Variants in SCN3A observed in about 807,000 individuals in gnomAD.
The protein encoded by SCN3A is sodium channel protein type 3 subunit alpha.
In SCN3A, 60 loss-of-function variants were observed where a neutral mutation model predicts 187.6. That is an observed-to-expected ratio of 0.32 (90% confidence interval 0.26 to 0.40). The LOEUF (loss-of-function observed/expected upper bound fraction) is 0.40. Ranked by LOEUF, SCN3A falls within the 10% of genes least tolerant of loss-of-function variation. The probability of loss-of-function intolerance (pLI) is 1.00; values close to 1 mark genes in which losing one functional copy is unlikely to be tolerated. For missense variants in SCN3A, 1,601 were observed against 2,428.2 expected, an observed-to-expected ratio of 0.66 and a Z score of 7.16; for synonymous variants, 788 against 829.2, an observed-to-expected ratio of 0.95 and a Z score of 0.85.
At chr2:165,096,949 C>T (rs1033979093) in intron 23 of SCN3A, among the ~76,000 whole-genome samples, 12 of 151,998 alleles carry the variant, frequency 7.9e-5, no homozygotes, top group Non-Finnish European at 1.6e-4. Context: ...CCTAAAGTTG[C>T]TCCTTTGGCA....
At chr2:165,201,736 G>A (rs1247988504) in intron 1 of SCN3A, among the ~76,000 whole-genome samples, 1 of 151,940 alleles carries the variant, frequency 6.6e-6, no homozygotes, top group Non-Finnish European at 1.5e-5. Flanking sequence ...AGAAGGAACT[G>A]GCCAAGAAAC....
At chr2:165,157,772 G>A (rs7572969) in intron 9 of SCN3A, among the ~76,000 whole-genome samples, 18,098 of 152,130 alleles carry the variant, frequency 0.12, 1,287 homozygotes, top group African/African-American at 0.17. Flanking sequence ...CAATTAACAT[G>A]TAGTCATGGA....
intron 23 of SCN3A, 135 bp from the exon 24 acceptor site, chr2:165,096,655 ATAAAAT>A: frequency 1.7e-6 from 1 of 590,182 alleles, no homozygotes; most frequent in Non-Finnish European, 3.0e-6. Flanking sequence ...AGAGATTGAA[ATAAAAT>A]TGAAATAGAA....
intron 13 of SCN3A, 99 bp from the exon 14 acceptor site, chr2:165,139,707 C>T: frequency 6.9e-7 from 1 of 1,458,472 alleles, no homozygotes; most frequent in Non-Finnish European, 9.6e-7. Flanking sequence ...GCAATTTTTC[C>T]AGGTAAGAAT....
Position 165,146,816 on chromosome 2 carries a change from C to T in SCN3A, c.1594G>A (p.Val532Ile), listed in dbSNP as rs747700209. 1.4e-5 allele frequency: 23 copies of T among 1,613,942 alleles called. 1 individual carries two copies. Among genetic ancestry groups the T allele is most frequent in the East Asian group, 6.7e-5 (3 of 44,882 alleles). Reference protein sequence around the residue: ...SFPKSESEDSVKRSSFLFSMD... With the variant: ...SFPKSESEDSIKRSSFLFSMD... ...GAGAAAAGGAAGCTGCTTCTTTTGA[C>T]GCTGTCTTCAGATTCGGATTTGGGA... is the stretch of plus-strand genomic sequence containing the variant. Residue 532 changes from valine to isoleucine, a missense_variant, in exon 12 of 28, where the codon GTC (valine) becomes ATC (isoleucine). By Grantham distance (29) the Val-to-Ile change is conservative. Transcript: ENST00000283254.
At position 165,139,553 on chromosome 2, in the gene SCN3A, G is replaced by T; in HGVS notation, c.2075C>A (p.Ser692Ter). The part of the protein sequence containing the change: ...RKRRLSSYQI[S>*]MEMLEDSSGR... ...AGAGGAATCCTCCAGCATCTCCATT[G>T]AAATCTGGTAAGAGCTTAACCTTCT... The change falls in exon 14 of 28, where the codon TCA (serine) becomes TAA (stop). Residue 692 changes from serine (S) to a stop codon, truncating the protein, a stop_gained. Coordinates refer to ENST00000283254, the MANE Select transcript of SCN3A (RefSeq NM_006922.4). LOFTEE classifies it high-confidence loss of function. The T allele has an allele frequency of 6.2e-7, 1 of 1,613,918 alleles. No homozygotes were observed. Among genetic ancestry groups the T allele is most frequent in the Non-Finnish European group, 8.5e-7 (1 of 1,179,894 alleles).
intron 21 of SCN3A, among the ~76,000 whole-genome samples, chr2:165,106,010 C>T (rs887165188): frequency 2.6e-5 from 4 of 152,122 alleles, no homozygotes; most frequent in African/African-American, 4.8e-5. Flanking sequence ...AGAAAATTCA[C>T]AATGCTCACA....
At position 165,127,818 on chromosome 2, in the gene SCN3A, C is replaced by G. The variant is rs1359290329; in HGVS notation, c.3206G>C (p.Gly1069Ala). 6.2e-7 allele frequency: 1 copy of G among 1,614,138 alleles called. No individual in the cohort carries two copies. The highest frequency in any genetic ancestry group is 1.1e-5 in the South Asian group (1 of 91,078). ...TCCAGTACCTACACCACTGGTGGTT[C>G]CATTCCCATCTCTAAGATAATTAAG... ...KELNYLRDGN[G>A]TTSGVGTGSS... Residue 1069 changes from glycine (G) to alanine (A), a missense_variant, in exon 18 of 28, where the codon GGA (glycine) becomes GCA (alanine). Around this residue, in one of 11 missense-constraint regions of SCN3A, gnomAD observed 267 missense variants for 313.2 expected, o/e 0.85. Coordinates refer to ENST00000283254, the MANE Select transcript of SCN3A (RefSeq NM_006922.4).
At chr2:165,121,021 G>T (rs1686648482) in intron 18 of SCN3A, among the ~76,000 whole-genome samples, 2 of 151,384 alleles carry the variant, frequency 1.3e-5, no homozygotes, top group African/African-American at 4.9e-5. Context: ...AAGGCCATTT[G>T]TTTTCAGAAA....
chr2:165,105,241 T>A (rs753312798), intron 21 of SCN3A, among the ~76,000 whole-genome samples: 11 of 152,142 alleles, frequency 7.2e-5, no homozygotes, highest in Non-Finnish European at 1.5e-4. Context: ...TGGAGTAAAA[T>A]CTGTACTTGC....
In SCN3A at chr2:165,090,494, A is replaced by G. The variant is rs1685035941; in HGVS notation, c.5659T>C (p.Ser1887Pro). 6.2e-7 allele frequency: 1 copy of G among 1,613,922 alleles called. No individual in the cohort carries two copies. Among genetic ancestry groups the G allele is most frequent in the Non-Finnish European group, 8.5e-7 (1 of 1,179,988 alleles). The change falls in exon 28 of 28, where the codon TCT (serine) becomes CCT (proline). Residue 1887 changes from serine (S) to proline (P), a missense_variant. This residue lies in a region of SCN3A where 110 missense variants were observed against 175.9 expected (regional missense o/e 0.63). Coordinates refer to ENST00000283254, the MANE Select transcript of SCN3A (RefSeq NM_006922.4). This position sits in a 1 kb window ranked among gnomAD's most constrained non-coding sequence, Gnocchi z 4.0. ...RFMASNPSKV[S>P]YEPITTTLKR... ...AAAGTGGTTGTAATAGGCTCATAAG[A>G]GACTTTGGAGGGGTTTGATGCCATA...
intron 12 of SCN3A, among the ~76,000 whole-genome samples, chr2:165,146,418 GTA>G (rs1553530752): frequency 1.5e-5 from 2 of 137,376 alleles, no homozygotes; most frequent in African/African-American, 2.8e-5. Flanking sequence ...GTGTGTGTGT[GTA>G]TAGACACATA....
chr2:165,089,224 A>G lies in SCN3A; in HGVS notation c.*926T>C, dbSNP rs988387524. 3 of 152,618 alleles carry G rather than the reference A, an allele frequency of 2.0e-5. No homozygotes were observed. Among genetic ancestry groups the G allele is most frequent in the Admixed American group, 6.5e-5 (1 of 15,284 alleles). 9.5% of individuals were successfully genotyped at this position (152,618 alleles called of 1,614,324 possible). ...TGCCCAAACATGCACCACAGGATAAAATAACTATTTACATAACATAGGGTA... is the reference window on the plus strand; with the variant it reads ...TGCCCAAACATGCACCACAGGATAAGATAACTATTTACATAACATAGGGTA... On this transcript the variant is annotated 3_prime_UTR_variant, in exon 28 of 28. Transcript: ENST00000283254.
intron 5 of SCN3A, 29 bp from the exon 6 acceptor site, chr2:165,164,549 C>T (rs775774311): frequency 3.1e-6 from 5 of 1,612,126 alleles, no homozygotes; most frequent in East Asian, 2.2e-5. Context: ...CCAAAATTAA[C>T]AATTTTGCTT....
intron 19 of SCN3A, 76 bp from the exon 20 acceptor site, chr2:165,114,046 C>G: frequency 1.1e-6 from 1 of 877,094 alleles, no homozygotes; most frequent in Non-Finnish European, 1.7e-6. Flanking sequence ...TTGCCCCTTC[C>G]CCACTCCACT....
At position 165,088,388 on chromosome 2, in the gene SCN3A, T is replaced by A. The variant is rs1684930306; in HGVS notation, c.*1762A>T. The A allele has an allele frequency of 6.6e-6, 1 of 152,468 alleles. No individual in the cohort carries two copies. The highest frequency in any genetic ancestry group is 2.4e-5 in the African/African-American group (1 of 41,428). The allele number at this position is 152,468 out of a possible 1,614,324, so 9.4% of individuals were successfully genotyped here. A position where few individuals can be genotyped will look rare whatever the true frequency, so the allele number is the denominator to read the frequency against. The stretch of plus-strand genomic sequence containing the variant: ...GTCCATGTTATATTTGTAATAGCTT[T>A]AGTGCAGCAGGAATTAAAAAAATAA... On this transcript the variant is annotated 3_prime_UTR_variant, in exon 28 of 28. Transcript: ENST00000283254.
chr2:165,158,252 A>G (rs1176157107), intron 9 of SCN3A, among the ~76,000 whole-genome samples: 2 of 94,042 alleles, frequency 2.1e-5, no homozygotes, highest in Non-Finnish European at 3.7e-5. Flanking sequence ...TGTTCCTTTT[A>G]CCTTTAGTCT....
chr2:165,138,864 C>T (rs531326231), intron 14 of SCN3A, among the ~76,000 whole-genome samples: 2 of 152,206 alleles, frequency 1.3e-5, no homozygotes, highest in African/African-American at 4.8e-5. Flanking sequence ...ATTCTCTCTC[C>T]AGACTTCAAG....
intron 1 of SCN3A, among the ~76,000 whole-genome samples, chr2:165,189,383 C>T (rs1691452159): frequency 6.6e-6 from 1 of 152,166 alleles, no homozygotes; most frequent in Non-Finnish European, 1.5e-5. Context: ...ACTTTGCTTT[C>T]AGATGACCTA....
Sources: allele counts gnomAD v4.1 joint callset (sites outside exome capture counted in the v4.1 genomes callset), GRCh38; gene constraint gnomAD v4.1.1; regional missense constraint gnomAD v4.1.1; non-coding constraint Gnocchi (gnomAD v3.1); transcripts MANE v1.5; gene names NCBI Gene and HGNC (gene_info 2026-07-23, HGNC 2026-07-21).